The following TEK variants were observed in gnomAD, a reference collection of about 807,000 sequenced individuals.
TEK encodes the protein TEK receptor tyrosine kinase.
In TEK, 43 loss-of-function variants were observed where a neutral mutation model predicts 131.8. The ratio of observed to expected loss-of-function variants is 0.33; its 90% CI spans 0.26 to 0.42. The LOEUF (loss-of-function observed/expected upper bound fraction) is 0.42, where lower values mean the gene tolerates loss of function less well. Ranked by LOEUF, TEK falls within the 10% of genes least tolerant of loss-of-function variation. The pLI is 1.00. For synonymous variants in TEK, 580 were observed against 491.6 expected (o/e 1.18, Z -2.38); for missense variants, 1,162 against 1,384.4 (o/e 0.84, Z 2.55).
At chr9:27,184,883 A>G (rs994494294) in intron 8 of TEK, among the ~76,000 whole-genome samples, 4 of 152,096 alleles carry the variant, frequency 2.6e-5, no homozygotes, top group African/African-American at 9.7e-5. Context: ...TAAAAAATAA[A>G]AAAAGAATTA....
chr9:27,156,067 T>C (rs984329058), intron 1 of TEK, among the ~76,000 whole-genome samples: 8 of 152,134 alleles, frequency 5.3e-5, no homozygotes, highest in African/African-American at 1.9e-4. Flanking sequence ...CCTCCCAAAG[T>C]GCTGGGATTG....
intron 1 of TEK, among the ~76,000 whole-genome samples, chr9:27,121,673 TATG>T (rs1440157035): frequency 1.3e-5 from 2 of 151,978 alleles, no homozygotes; most frequent in Admixed American, 6.6e-5. Context: ...TCCTCGTTAA[TATG>T]AGGATAAGAA....
chr9:27,117,316 G>GCTT (rs1359560047), intron 1 of TEK, among the ~76,000 whole-genome samples: 1 of 152,196 alleles, frequency 6.6e-6, no homozygotes, highest in Admixed American at 6.5e-5. Context: ...AGAGCAGCTG[G>GCTT]CTTCACTCCT....
intron 1 of TEK, among the ~76,000 whole-genome samples, chr9:27,121,495 ATATTT>A (rs1297133701): frequency 2.7e-5 from 4 of 149,010 alleles, no homozygotes; most frequent in Non-Finnish European, 4.4e-5. Flanking sequence ...ATTTATATAC[ATATTT>A]TATTTGTATA....
chr9:27,135,207 G>A (rs1399993295), intron 1 of TEK, among the ~76,000 whole-genome samples: 1 of 136,820 alleles, frequency 7.3e-6, no homozygotes, highest in Non-Finnish European at 1.6e-5. Context: ...CTTGGTGACA[G>A]AGTGAGACTT....
chr9:27,173,093 C>T, intron 5 of TEK, 129 bp from the exon 6 acceptor site: 3 of 1,262,288 alleles, frequency 2.4e-6, no homozygotes, highest in Admixed American at 1.9e-5. Context: ...TATGTTCATC[C>T]TACCATGCCA....
chr9:27,125,158 G>T (rs1821942558), intron 1 of TEK, among the ~76,000 whole-genome samples: 1 of 152,208 alleles, frequency 6.6e-6, no homozygotes, highest in Non-Finnish European at 1.5e-5. Flanking sequence ...TCTGCCAAGA[G>T]ATGTGGAGCT....
chr9:27,154,728 A>G (rs1355615402), intron 1 of TEK, among the ~76,000 whole-genome samples: 1 of 152,196 alleles, frequency 6.6e-6, no homozygotes, highest in Non-Finnish European at 1.5e-5. Flanking sequence ...TCCTTCTGGT[A>G]CTGTAAATGG....
intron 1 of TEK, among the ~76,000 whole-genome samples, chr9:27,120,097 C>G (rs1821724571): frequency 6.6e-6 from 1 of 152,218 alleles, no homozygotes; most frequent in Non-Finnish European, 1.5e-5. Flanking sequence ...ATTGCTACCA[C>G]TTCAGAATCG....
intron 1 of TEK, among the ~76,000 whole-genome samples, chr9:27,130,427 A>C (rs1485110976): frequency 6.6e-6 from 1 of 152,178 alleles, no homozygotes; most frequent in Non-Finnish European, 1.5e-5. Flanking sequence ...CAAAGGGAGA[A>C]GATGGAAATG....
intron 12 of TEK, among the ~76,000 whole-genome samples, chr9:27,199,480 C>T (rs552775479): frequency 6.6e-6 from 1 of 152,114 alleles, no homozygotes; most frequent in Admixed American, 6.6e-5. Flanking sequence ...GTGCCATTTT[C>T]CTTATACCCA....
chr9:27,229,642 A>T lies in TEK; in HGVS notation c.*410A>T, dbSNP rs1826484670. On this transcript the variant is annotated 3_prime_UTR_variant, in exon 23 of 23. Coordinates refer to ENST00000380036, the MANE Select transcript of TEK (RefSeq NM_000459.5). ...GTAAAATATTGTTAATAAACCTAACAATGACCCTGATAGTACAGGTTAAGT... is the reference window on the plus strand; with the variant it reads ...GTAAAATATTGTTAATAAACCTAACTATGACCCTGATAGTACAGGTTAAGT... 1 of 243,982 alleles carries T rather than the reference A, an allele frequency of 4.1e-6. No homozygotes were observed. Among genetic ancestry groups the T allele is most frequent in the Non-Finnish European group, 8.1e-6 (1 of 122,908 alleles). 15.1% of individuals were successfully genotyped at this position (243,982 alleles called of 1,614,324 possible). A position where few individuals can be genotyped will look rare whatever the true frequency, so the allele number is the denominator to read the frequency against.
At chr9:27,138,292 C>G in intron 1 of TEK, among the ~76,000 whole-genome samples, 1 of 151,598 alleles carries the variant, frequency 6.6e-6, no homozygotes, top group Non-Finnish European at 1.5e-5. Flanking sequence ...TGGCCCTGCC[C>G]ACATCCTGCT....
intron 11 of TEK, among the ~76,000 whole-genome samples, chr9:27,192,909 G>A (rs1043808751): frequency 2.0e-5 from 3 of 152,150 alleles, no homozygotes; most frequent in Non-Finnish European, 4.4e-5. Flanking sequence ...AGGAAGGCAG[G>A]GCCTCCCCTA....
At chr9:27,139,014 C>G (rs1260311000) in intron 1 of TEK, among the ~76,000 whole-genome samples, 1 of 151,848 alleles carries the variant, frequency 6.6e-6, no homozygotes, top group East Asian at 1.9e-4. Context: ...TCAAGACCAT[C>G]CTGGCTAACC....
rs774074830 is a variant in TEK at position 27,183,511 on chromosome 9, A to G, written c.1083A>G (p.Val361=). The G allele has an allele frequency of 8.1e-6, 13 of 1,613,838 alleles. No homozygotes were observed. The South Asian group carries it at 1.4e-4, about 18-fold the overall frequency. The change falls in exon 8 of 23, where the codon GTA becomes GTG. Residue 361 remains valine (V), a synonymous_variant. Coordinates refer to ENST00000380036, the MANE Select transcript of TEK (RefSeq NM_000459.5). The part of the protein sequence containing the change: ...KIVDLPDHIE[V]NSGKFNPICK... ...TGGATTTGCCAGATCATATAGAAGT[A>G]AACAGTGGTAAATTTAATCCCATTT...
intron 2 of TEK, among the ~76,000 whole-genome samples, chr9:27,161,889 G>A (rs1823560629): frequency 6.6e-6 from 1 of 152,164 alleles, no homozygotes; most frequent in African/African-American, 2.4e-5. Flanking sequence ...TACATTATCT[G>A]CTTCACAGTA....
At chr9:27,185,140 G>A (rs775602520) in intron 8 of TEK, among the ~76,000 whole-genome samples, 1 of 151,980 alleles carries the variant, frequency 6.6e-6, no homozygotes, top group Non-Finnish European at 1.5e-5. Context: ...AAGTCACTTT[G>A]TCCTCCCACG....
At chr9:27,157,243 T>C (rs1302740684) in intron 1 of TEK, among the ~76,000 whole-genome samples, 1 of 152,154 alleles carries the variant, frequency 6.6e-6, no homozygotes, top group Non-Finnish European at 1.5e-5. Context: ...TGGCAAGTTA[T>C]GTATTTTATC....
Sources: allele counts gnomAD v4.1 joint callset (sites outside exome capture counted in the v4.1 genomes callset), GRCh38; gene constraint gnomAD v4.1.1; transcripts MANE v1.5; gene names NCBI Gene and HGNC (gene_info 2026-07-23, HGNC 2026-07-21).